Variants in SPRING1 observed in about 807,000 individuals in gnomAD.
SPRING1 encodes SREBF pathway regulator in golgi 1, also known as SREBP regulating gene protein.
SPRING1 carries 14 observed loss-of-function variants against 24.7 expected under a neutral mutation model. The observed-to-expected ratio is 0.57, with a 90% confidence interval of 0.37 to 0.88. SPRING1 has a LOEUF of 0.88. SPRING1 is among the 40% of genes least tolerant of loss of function. The probability of loss-of-function intolerance (pLI) is 0.00; values close to 1 mark genes in which losing one functional copy is unlikely to be tolerated. For synonymous variants in SPRING1, 93 were observed against 106.1 expected, an observed-to-expected ratio of 0.88 and a Z score of 0.76; for missense variants, 255 against 268.4, an observed-to-expected ratio of 0.95 and a Z score of 0.35.
Position 116,737,750 on chromosome 12 carries a change from G to A in SPRING1, c.111+40C>T. On this transcript the variant is annotated intron_variant, in intron 1 of 4. Coordinates refer to ENST00000261318, the MANE Select transcript of SPRING1 (RefSeq NM_024738.4). Reference sequence around the variant, plus strand: ...AAGTAAAGTAAGGGGGAGGAAGGAAGGAAGAAGGGAAGGGGAGGAGGGGAA... The same window carrying A: ...AAGTAAAGTAAGGGGGAGGAAGGAAAGAAGAAGGGAAGGGGAGGAGGGGAA... 2.6e-6 allele frequency: 4 copies of A among 1,520,422 alleles called. No individual in the cohort carries two copies. The South Asian group carries it at 3.6e-5, about 14-fold the overall frequency. 94.2% of individuals were successfully genotyped at this position (1,520,422 alleles called of 1,614,324 possible).
At chr12:116,734,152 C>T (rs151317482) in intron 1 of SPRING1, among the ~76,000 whole-genome samples, 30 of 152,364 alleles carry the variant, frequency 2.0e-4, no homozygotes, top group African/African-American at 6.7e-4. Context: ...GCTAGGATTA[C>T]AGGCGTGAGC....
chr12:116,725,407 A>T (rs1479135565), intron 1 of SPRING1, among the ~76,000 whole-genome samples: 1 of 152,184 alleles, frequency 6.6e-6, no homozygotes, highest in Admixed American at 6.5e-5. Flanking sequence ...AGGGTCTCAG[A>T]ACAGATAAGG....
At chr12:116,723,611 T>C (rs1459033669) in intron 1 of SPRING1, among the ~76,000 whole-genome samples, 1 of 152,224 alleles carries the variant, frequency 6.6e-6, no homozygotes, top group African/African-American at 2.4e-5. Flanking sequence ...GAACTTAAAA[T>C]GTGAATACAC....
In SPRING1 at chr12:116,714,761, C is replaced by T. The variant is rs2137025398; in HGVS notation, c.*3049G>A. 1.4e-5 allele frequency: 2 copies of T among 143,062 alleles called. No homozygotes were observed. Among genetic ancestry groups the T allele is most frequent in the African/African-American group, 5.2e-5 (2 of 38,144 alleles). 8.9% of individuals were successfully genotyped at this position (143,062 alleles called of 1,614,324 possible). The stretch of plus-strand genomic sequence containing the variant: ...AGTGAGCTGAGATCACGCCATTGCA[C>T]TCCAGCCTGAGCAACAGAGCAAGAC... On this transcript the variant is annotated 3_prime_UTR_variant, in exon 5 of 5. Coordinates refer to ENST00000261318, the MANE Select transcript of SPRING1 (RefSeq NM_024738.4).
intron 1 of SPRING1, among the ~76,000 whole-genome samples, chr12:116,733,783 G>A (rs567303149): frequency 2.6e-5 from 4 of 152,174 alleles, no homozygotes; most frequent in South Asian, 2.1e-4. Context: ...AGGCCTTCAC[G>A]AGTTCACTCA....
Position 116,723,067 on chromosome 12 carries a change from C to T in SPRING1, c.268G>A (p.Gly90Ser), listed in dbSNP as rs775680227. The T allele has an allele frequency of 3.1e-6, 5 of 1,612,188 alleles. No homozygotes were observed. Among genetic ancestry groups the T allele is most frequent in the Admixed American group, 3.3e-5 (2 of 60,008 alleles). The stretch of plus-strand genomic sequence containing the variant: ...GGAGAGGAAGGGAAGCCAGCCTCAC[C>T]GAGTTCATCCGTGATGAGGTGCTTC... The part of the protein sequence containing the change: ...QGKHLITDEL[G>S]YVCERKDLLV... The change falls in exon 2 of 5, where the codon GGC becomes AGC. Residue 90 changes from glycine to serine, a missense_variant and splice_region_variant. By Grantham distance (56) the Gly-to-Ser change is moderately conservative. Transcript: ENST00000261318.
At chr12:116,733,183 C>T (rs1204107358) in intron 1 of SPRING1, among the ~76,000 whole-genome samples, 4 of 151,786 alleles carry the variant, frequency 2.6e-5, no homozygotes, top group East Asian at 1.9e-4. Context: ...CGTGTGTGCT[C>T]GTCTTAGTTT....
intron 1 of SPRING1, 129 bp downstream of exon 1, chr12:116,737,656 AGGAAG>A: frequency 9.8e-7 from 1 of 1,023,196 alleles, no homozygotes; most frequent in South Asian, 2.5e-5. Context: ...GGAGAAAGAA[AGGAAG>A]GGAAGGGGTA....
intron 1 of SPRING1, among the ~76,000 whole-genome samples, chr12:116,735,717 A>C (rs1871187184): frequency 7.0e-6 from 1 of 142,808 alleles, no homozygotes; most frequent in African/African-American, 2.6e-5. Flanking sequence ...TGGGTAACAG[A>C]GTGAGACTCC....
intron 1 of SPRING1, among the ~76,000 whole-genome samples, chr12:116,723,540 T>TAAA (rs1870543227): frequency 3.9e-5 from 6 of 152,230 alleles, no homozygotes; most frequent in Non-Finnish European, 7.3e-5. Context: ...TTGGACTTTT[T>TAAA]CTTTCTGATG....
At chr12:116,725,749 G>A (rs1230364014) in intron 1 of SPRING1, among the ~76,000 whole-genome samples, 3 of 152,198 alleles carry the variant, frequency 2.0e-5, no homozygotes, top group African/African-American at 7.2e-5. Context: ...AGCTGGGCGT[G>A]GTGGCGGGCG....
chr12:116,723,169 G>T lies in SPRING1; in HGVS notation c.166C>A (p.Pro56Thr), dbSNP rs1870521413. 6.2e-7 allele frequency: 1 copy of T among 1,613,888 alleles called. No homozygotes were observed. The highest frequency in any genetic ancestry group is 1.1e-5 in the South Asian group (1 of 91,072). The change falls in exon 2 of 5, where the codon CCC (proline) becomes ACC (threonine). Residue 56 changes from proline to threonine, a missense_variant. Physicochemically the swap from Pro to Thr is conservative, Grantham distance 38. Coordinates refer to ENST00000261318, the MANE Select transcript of SPRING1 (RefSeq NM_024738.4). Reference sequence around the variant, plus strand: ...TTAAACTGCACTTTCCACGGGATGGGCTGATTATGGTCATGAACCTGGAGG... The same window carrying T: ...TTAAACTGCACTTTCCACGGGATGGTCTGATTATGGTCATGAACCTGGAGG... ...NLLQVHDHNQ[P>T]IPWKVQFNLG...
intron 1 of SPRING1, among the ~76,000 whole-genome samples, chr12:116,730,956 T>C (rs1870945528): frequency 6.6e-6 from 1 of 152,238 alleles, no homozygotes; most frequent in African/African-American, 2.4e-5. Context: ...AACTAGTGTA[T>C]CAGTTGTTCT....
chr12:116,720,078 A>T lies in SPRING1; in HGVS notation c.421-202T>A, dbSNP rs1870350342. ...TATCTTATTCATTAGATATGTGATTAGCAATACAATGATCCATTCTGCAAA... is the reference window on the plus strand; with the variant it reads ...TATCTTATTCATTAGATATGTGATTTGCAATACAATGATCCATTCTGCAAA... On this transcript the variant is annotated intron_variant, in intron 3 of 4. Transcript: ENST00000261318. The surrounding 1 kb of genome is among the most constrained non-coding windows in gnomAD (Gnocchi z 4.0). 1.4e-6 allele frequency: 1 copy of T among 720,574 alleles called. No homozygotes were observed. Among genetic ancestry groups the T allele is most frequent in the East Asian group, 2.7e-5 (1 of 36,598 alleles). The allele number at this position is 720,574 out of a possible 1,614,324, so 44.6% of individuals were successfully genotyped here.
Position 116,712,384 on chromosome 12 carries a change from T to G in SPRING1, c.*5426A>C, listed in dbSNP as rs1478264113. The G allele has an allele frequency of 6.6e-6, 1 of 152,192 alleles. No homozygotes were observed. The highest frequency in any genetic ancestry group is 1.5e-5 in the Non-Finnish European group (1 of 68,040). 9.4% of individuals were successfully genotyped at this position (152,192 alleles called of 1,614,324 possible). ...GACCAACGGCGACCACTTGCTCCAC[T>G]TTGCTCTGTGACAGCAGACGAGGTA... On this transcript the variant is annotated 3_prime_UTR_variant, in exon 5 of 5. Coordinates refer to ENST00000261318, the MANE Select transcript of SPRING1 (RefSeq NM_024738.4).
Position 116,719,794 on chromosome 12 carries a change from A to AGGC in SPRING1, c.502_503insGCC (p.Glu167_Leu168insCys). On this transcript the variant is annotated inframe_insertion, in exon 4 of 5. Transcript: ENST00000261318. ...TGAGGTCCTGCATTTGGCCAGGCAC[A>AGGC]ACTCAAAGTGATCTTCGACTGCCAT... The AGGC allele has an allele frequency of 6.2e-7, 1 of 1,614,210 alleles. No individual in the cohort carries two copies.
rs1445122024 is a variant in SPRING1 at position 116,714,552 on chromosome 12, C to A, written c.*3258G>T. On this transcript the variant is annotated 3_prime_UTR_variant, in exon 5 of 5. Transcript: ENST00000261318. Reference sequence around the variant, plus strand: ...CTCACGCCTGTAATCCCAGCACTTTCGGAGGCTCAGGCGGGCAGATCATCT... The same window carrying A: ...CTCACGCCTGTAATCCCAGCACTTTAGGAGGCTCAGGCGGGCAGATCATCT... The A allele has an allele frequency of 6.6e-6, 1 of 152,272 alleles. No homozygotes were observed. The highest frequency in any genetic ancestry group is 2.4e-5 in the African/African-American group (1 of 41,424). The allele number at this position is 152,272 out of a possible 1,614,324, so 9.4% of individuals were successfully genotyped here.
intron 2 of SPRING1, among the ~76,000 whole-genome samples, chr12:116,721,446 G>A (rs1870431492): frequency 6.6e-6 from 1 of 152,184 alleles, no homozygotes; most frequent in South Asian, 2.1e-4. Flanking sequence ...AACTACTTTA[G>A]AAAACAAAGT....
In SPRING1 at chr12:116,728,989, A is replaced by G. The variant is rs1313211750; in HGVS notation, c.112-5766T>C. Among the ~76,000 whole-genome samples the G allele has an allele frequency of 1.3e-5, 2 of 152,224 alleles. No homozygotes were observed. The highest frequency in any genetic ancestry group is 4.8e-5 in the African/African-American group (2 of 41,458). ...GGCTATTGATGCTTACCATATTGAAAATTAAAACATAAATCCTTAAAATGT... is the reference window on the plus strand; with the variant it reads ...GGCTATTGATGCTTACCATATTGAAGATTAAAACATAAATCCTTAAAATGT... On this transcript the variant is annotated intron_variant, in intron 1 of 4. Coordinates refer to ENST00000261318, the MANE Select transcript of SPRING1 (RefSeq NM_024738.4). This position sits in a 1 kb window ranked among gnomAD's most constrained non-coding sequence, Gnocchi z 4.2.
Sources: allele counts gnomAD v4.1 joint callset (sites outside exome capture counted in the v4.1 genomes callset), GRCh38; gene constraint gnomAD v4.1.1; non-coding constraint Gnocchi (gnomAD v3.1); transcripts MANE v1.5; gene names NCBI Gene and HGNC (gene_info 2026-07-23, HGNC 2026-07-21).